The following NDUFA9 variants were observed in gnomAD, a reference collection of about 807,000 sequenced individuals.
The protein encoded by NDUFA9 is NADH:ubiquinone oxidoreductase subunit A9.
In NDUFA9, 23 loss-of-function variants were observed where a neutral mutation model predicts 45.9. That is an observed-to-expected ratio of 0.50 (90% CI 0.36 to 0.71). The LOEUF (loss-of-function observed/expected upper bound fraction) is 0.71, where lower values mean the gene tolerates loss of function less well. Ranked by LOEUF, NDUFA9 falls within the 30% of genes least tolerant of loss-of-function variation. The pLI, the probability that NDUFA9 is intolerant of heterozygous loss-of-function variation, is 0.00. For missense variants in NDUFA9, 466 were observed against 488.2 expected (o/e 0.95, Z 0.43); for synonymous variants, 176 against 170.5 (o/e 1.03, Z -0.25).
intron 9 of NDUFA9, among the ~76,000 whole-genome samples, chr12:4,684,744 G>A (rs924278636): frequency 6.6e-6 from 1 of 151,642 alleles, no homozygotes; most frequent in Non-Finnish European, 1.5e-5. Flanking sequence ...GGCCTTTTCC[G>A]TTTTGGGTTT....
intron 1 of NDUFA9, chr12:4,653,504 T>C (rs1945771175): frequency 2.6e-6 from 1 of 380,444 alleles, no homozygotes; most frequent in Non-Finnish European, 5.0e-6. Context: ...GATGTAAGCA[T>C]TGGTACATGA....
chr12:4,690,181 C>A lies in NDUFA9; in HGVS notation c.*3073C>A, dbSNP rs960778849. ...TTCTAGGGATTCAGGTTGCACATTACCTGATTCTCACAGTTGATTTGAGCC... is the reference window on the plus strand; with the variant it reads ...TTCTAGGGATTCAGGTTGCACATTAACTGATTCTCACAGTTGATTTGAGCC... On this transcript the variant is annotated 3_prime_UTR_variant, in exon 11 of 11. Transcript: ENST00000266544. 6.6e-6 allele frequency: 1 copy of A among 152,252 alleles called. No homozygotes were observed. Among genetic ancestry groups the A allele is most frequent in the African/African-American group, 2.4e-5 (1 of 41,456 alleles). The allele number at this position is 152,252 out of a possible 1,614,324, so 9.4% of individuals were successfully genotyped here.
At position 4,682,213 on chromosome 12, in the gene NDUFA9, G is replaced by C; in HGVS notation, c.809G>C (p.Arg270Pro). 5 of 1,608,866 alleles carry C rather than the reference G, an allele frequency of 3.1e-6. No individual in the cohort carries two copies. Among genetic ancestry groups the C allele is most frequent in the Non-Finnish European group, 4.2e-6 (5 of 1,176,590 alleles). The stretch of plus-strand genomic sequence containing the variant: ...GTATTGTCTTTTTATAGTCCCAGTC[G>C]GTACCTCCTTTTCCACCTGGTGAAG... ...GKSFAFVGPS[R>P]YLLFHLVKYI... is the part of the protein sequence containing the mutation. The change falls in exon 9 of 11, where the codon CGG becomes CCG. Residue 270 changes from arginine to proline, a missense_variant. By Grantham distance (103) the Arg-to-Pro change is moderately radical (BLOSUM62 -2). Transcript: ENST00000266544.
At chr12:4,682,439 A>G in intron 9 of NDUFA9, 139 bp downstream of exon 9, 1 of 477,886 alleles carries the variant, frequency 2.1e-6, no homozygotes, top group Non-Finnish European at 3.8e-6. Flanking sequence ...AGCATAGAGA[A>G]GAAGCAGAAA....
intron 3 of NDUFA9, chr12:4,655,472 G>A (rs1444771190): frequency 6.6e-6 from 1 of 152,012 alleles, no homozygotes; most frequent in Non-Finnish European, 1.5e-5. Flanking sequence ...AACAATATAC[G>A]ATTCATCATT....
At chr12:4,681,587 T>G (rs1321936141) in intron 8 of NDUFA9, among the ~76,000 whole-genome samples, 1 of 148,508 alleles carries the variant, frequency 6.7e-6, no homozygotes, top group Non-Finnish European at 1.5e-5. Flanking sequence ...TACATATATA[T>G]AATTATAATT....
chr12:4,664,977 A>G (rs201932089), intron 6 of NDUFA9, among the ~76,000 whole-genome samples: 1 of 152,158 alleles, frequency 6.6e-6, no homozygotes, highest in Non-Finnish European at 1.5e-5. Flanking sequence ...TTGGAAGCAC[A>G]TAACTTGTCT....
intron 6 of NDUFA9, among the ~76,000 whole-genome samples, chr12:4,663,564 A>G (rs1414544970): frequency 6.6e-6 from 1 of 152,192 alleles, no homozygotes; most frequent in Non-Finnish European, 1.5e-5. Context: ...ATATGTGAGG[A>G]CACAGCAAGA....
intron 6 of NDUFA9, among the ~76,000 whole-genome samples, chr12:4,665,401 A>G (rs537517508): frequency 2.6e-5 from 4 of 152,198 alleles, no homozygotes; most frequent in Non-Finnish European, 4.4e-5. Flanking sequence ...CTGTTGTACC[A>G]CGTGATGTGA....
At chr12:4,661,078 A>T (rs777959770) in intron 5 of NDUFA9, among the ~76,000 whole-genome samples, 3 of 151,910 alleles carry the variant, frequency 2.0e-5, no homozygotes, top group Non-Finnish European at 2.9e-5. Flanking sequence ...GAGGCTGAGG[A>T]TGTGGAAGAG....
chr12:4,650,196 C>T (rs914814821), intron 1 of NDUFA9, among the ~76,000 whole-genome samples: 4 of 151,898 alleles, frequency 2.6e-5, no homozygotes, highest in Admixed American at 2.6e-4. Flanking sequence ...CACAGATAGG[C>T]TTGATGTTCA....
Position 4,659,155 on chromosome 12 carries a change from C to T in NDUFA9, c.530C>T (p.Ser177Phe), listed in dbSNP as rs780646966. 5.6e-6 allele frequency: 9 copies of T among 1,611,864 alleles called. No individual in the cohort carries two copies. The highest frequency in any genetic ancestry group is 7.6e-6 in the Non-Finnish European group (9 of 1,178,226). The change falls in exon 5 of 11, where the codon TCT (serine) becomes TTT (phenylalanine). Residue 177 changes from serine to phenylalanine, a missense_variant. Coordinates refer to ENST00000266544, the MANE Select transcript of NDUFA9 (RefSeq NM_005002.5). ...CATCTGAATGCGAATATTAAAAGCT[C>T]TTCTAGATATTTGAGAAATAAGGTA... Reference protein sequence around the residue: ...VSHLNANIKSSSRYLRNKAVG... With the variant: ...VSHLNANIKSFSRYLRNKAVG...
chr12:4,682,802 C>A (rs1381486765), intron 9 of NDUFA9, among the ~76,000 whole-genome samples: 1 of 152,200 alleles, frequency 6.6e-6, no homozygotes, highest in Non-Finnish European at 1.5e-5. Flanking sequence ...AGTGGTGGCT[C>A]ATGCCTATAA....
Position 4,676,259 on chromosome 12 carries a change from G to A in NDUFA9, c.801-5946G>A, listed in dbSNP as rs117955680. On this transcript the variant is annotated intron_variant, in intron 8 of 10. Coordinates refer to ENST00000266544, the MANE Select transcript of NDUFA9 (RefSeq NM_005002.5). ...ACAAGGATGCCCTCTGTCACCACTC[G>A]TGTTCAACGTAGTGTTGGAAGTTCT... 2.1e-3 allele frequency among the ~76,000 whole-genome samples: 314 copies of A among 152,264 alleles called. 11 individuals carry two copies. The East Asian group carries it at 0.05, about 24-fold the overall frequency.
At chr12:4,668,633 C>T in intron 7 of NDUFA9, 109 bp downstream of exon 7, 2 of 986,838 alleles carry the variant, frequency 2.0e-6, no homozygotes, top group Non-Finnish European at 3.2e-6. Context: ...TTTTCTTTGT[C>T]AACTTGTGTC....
chr12:4,686,881 A>G, intron 10 of NDUFA9, 57 bp from the exon 11 acceptor site: 1 of 1,529,820 alleles, frequency 6.5e-7, no homozygotes, highest in Admixed American at 1.8e-5. Flanking sequence ...CTGCTAGGAT[A>G]GCACTTTGTT....
At position 4,688,731 on chromosome 12, in the gene NDUFA9, A is replaced by G. The variant is rs1250964945; in HGVS notation, c.*1623A>G. 3 of 144,430 alleles carry G rather than the reference A, an allele frequency of 2.1e-5. No individual in the cohort carries two copies. Among genetic ancestry groups the G allele is most frequent in the Non-Finnish European group, 3.1e-5 (2 of 64,558 alleles). 8.9% of individuals were successfully genotyped at this position (144,430 alleles called of 1,614,324 possible). On this transcript the variant is annotated 3_prime_UTR_variant, in exon 11 of 11. Transcript: ENST00000266544. ...CCCAGGAATTTTAGTTTTATTAAAC[A>G]TTCTAGTTTATTCTCCTGTACACTA... is the stretch of plus-strand genomic sequence containing the variant.
chr12:4,676,230 C>T (rs994190980), intron 8 of NDUFA9, among the ~76,000 whole-genome samples: 2 of 152,168 alleles, frequency 1.3e-5, no homozygotes, highest in African/African-American at 4.8e-5. Context: ...AAAATCGGCA[C>T]AAGACAAGGA....
chr12:4,676,449 A>T (rs1945920441), intron 8 of NDUFA9, among the ~76,000 whole-genome samples: 1 of 152,236 alleles, frequency 6.6e-6, no homozygotes, highest in Non-Finnish European at 1.5e-5. Context: ...AAGTATCAGG[A>T]TACAAAATCA....
Sources: gnomAD v4.1 joint callset for allele counts (sites outside exome capture counted in the v4.1 genomes callset) on GRCh38, gnomAD v4.1.1 for gene constraint, MANE v1.5 for transcripts, NCBI Gene and HGNC (gene_info 2026-07-23, HGNC 2026-07-21) for gene names.